Variants in ZNF521 observed in about 807,000 individuals in gnomAD.
ZNF521 encodes LYST-interacting protein 3.
A neutral mutation model predicts 105.5 loss-of-function variants in ZNF521; 14 were observed. That is an observed-to-expected ratio of 0.13 (90% CI 0.09 to 0.21). The LOEUF (loss-of-function observed/expected upper bound fraction) is 0.21. Among genes scored for constraint, ZNF521 ranks in the 10% least tolerant of loss-of-function variants. The probability of loss-of-function intolerance (pLI) is 1.00; values close to 1 mark genes in which losing one functional copy is unlikely to be tolerated. For missense variants in ZNF521, 1,233 were observed against 1,629.7 expected, an observed-to-expected ratio of 0.76 and a Z score of 4.19; for synonymous variants, 635 against 606.0, an observed-to-expected ratio of 1.05 and a Z score of -0.70.
chr18:25,101,090 G>A lies in ZNF521; in HGVS notation c.3659-9009C>T, dbSNP rs548694768. Among the ~76,000 whole-genome samples the A allele has an allele frequency of 1.7e-4, 26 of 152,194 alleles. 1 individual carries two copies. Among genetic ancestry groups the A allele is most frequent in the Admixed American group, 1.1e-3 (17 of 15,284 alleles). Reference sequence around the variant, plus strand: ...AATAGCTGGATGTGTGTAAATAAACGCCCCCATGTTTGCATGTGTACATCA... The same window carrying A: ...AATAGCTGGATGTGTGTAAATAAACACCCCCATGTTTGCATGTGTACATCA... On this transcript the variant is annotated intron_variant, in intron 5 of 7. Transcript: ENST00000361524.
At chr18:25,290,170 G>A (rs45607239) in intron 3 of ZNF521, among the ~76,000 whole-genome samples, 3 of 152,208 alleles carry the variant, frequency 2.0e-5, no homozygotes, top group Non-Finnish European at 4.4e-5. Context: ...ACTGCATGCA[G>A]TCTGCGGTTT....
At chr18:25,252,982 AC>A (rs1327975691) in intron 3 of ZNF521, among the ~76,000 whole-genome samples, 1 of 152,140 alleles carries the variant, frequency 6.6e-6, no homozygotes, top group Non-Finnish European at 1.5e-5. Context: ...CATAAGGCAA[AC>A]CAACTTCCTT....
At chr18:25,286,475 G>C (rs985941861) in intron 3 of ZNF521, among the ~76,000 whole-genome samples, 2 of 152,126 alleles carry the variant, frequency 1.3e-5, no homozygotes, top group Non-Finnish European at 2.9e-5. Flanking sequence ...CCACCATACA[G>C]AGGAGAGCCA....
chr18:25,193,379 G>C (rs2144629261), intron 5 of ZNF521, among the ~76,000 whole-genome samples: 1 of 152,050 alleles, frequency 6.6e-6, no homozygotes, highest in East Asian at 1.9e-4. Flanking sequence ...AATAAATCCA[G>C]AAACAAAAGT....
intron 4 of ZNF521, among the ~76,000 whole-genome samples, chr18:25,222,148 G>A (rs942034091): frequency 6.6e-6 from 1 of 152,094 alleles, no homozygotes; most frequent in Non-Finnish European, 1.5e-5. Context: ...GTACTCGACT[G>A]CATAGTCATT....
intron 4 of ZNF521, among the ~76,000 whole-genome samples, chr18:25,214,486 ATC>A (rs1387241774): frequency 6.6e-6 from 1 of 152,046 alleles, no homozygotes; most frequent in African/African-American, 2.4e-5. Flanking sequence ...AAGTTGATAT[ATC>A]TCAGTGATAG....
chr18:25,227,933 C>CTTT lies in ZNF521; in HGVS notation c.221-237_221-236insAAA, dbSNP rs1906282637. Among the ~76,000 whole-genome samples, 1 of 152,192 alleles carries CTTT rather than the reference C, an allele frequency of 6.6e-6. No homozygotes were observed. Among genetic ancestry groups the CTTT allele is most frequent in the Non-Finnish European group, 1.5e-5 (1 of 68,030 alleles). On this transcript the variant is annotated intron_variant, in intron 3 of 7. Coordinates refer to ENST00000361524, the MANE Select transcript of ZNF521 (RefSeq NM_015461.3). This position sits in a 1 kb window ranked among gnomAD's most constrained non-coding sequence, Gnocchi z 5.7. ...AAGAGGATATTAAATAGTTCTATGT[C>CTTT]TAAATTACCCTTTTATTACTTTTTA...
At chr18:25,127,190 TAACAAA>T (rs2034554265) in intron 5 of ZNF521, among the ~76,000 whole-genome samples, 1 of 151,898 alleles carries the variant, frequency 6.6e-6, no homozygotes. Flanking sequence ...TGTGGGTAGA[TAACAAA>T]AACCTTACAA....
At chr18:25,077,379 T>C (rs780918063) in intron 7 of ZNF521, among the ~76,000 whole-genome samples, 1 of 152,240 alleles carries the variant, frequency 6.6e-6, no homozygotes, top group Non-Finnish European at 1.5e-5. Context: ...GACTGTCTCC[T>C]GTATTCCTTA....
At chr18:25,075,199 G>A (rs913754514) in intron 7 of ZNF521, among the ~76,000 whole-genome samples, 5 of 152,116 alleles carry the variant, frequency 3.3e-5, no homozygotes, top group Admixed American at 3.3e-4. Flanking sequence ...TACAGAAGTG[G>A]CACTTATTCT....
chr18:25,333,616 T>A (rs1445093140), intron 2 of ZNF521, among the ~76,000 whole-genome samples: 1 of 152,088 alleles, frequency 6.6e-6, no homozygotes, highest in Admixed American at 6.6e-5. Context: ...CATGCCCAAT[T>A]GCCTCCACAG....
intron 3 of ZNF521, among the ~76,000 whole-genome samples, chr18:25,242,231 C>T (rs987548592): frequency 1.3e-5 from 2 of 152,152 alleles, no homozygotes; most frequent in African/African-American, 4.8e-5. Flanking sequence ...ACTCAATAGC[C>T]TGTGTCATCA....
intron 5 of ZNF521, among the ~76,000 whole-genome samples, chr18:25,183,518 GA>G (rs1225284116): frequency 6.6e-6 from 1 of 152,126 alleles, no homozygotes; most frequent in East Asian, 1.9e-4. Context: ...ACTTCATTTA[GA>G]AAATAAGCCA....
At chr18:25,273,219 C>CAAAAAAAAAAAA (rs1909787262) in intron 3 of ZNF521, among the ~76,000 whole-genome samples, 1 of 13,932 alleles carries the variant, frequency 7.2e-5, no homozygotes, top group Non-Finnish European at 1.2e-4. Flanking sequence ...AACCCTGTCT[C>CAAAAAAAAAAAA]CAAAAAAAAA....
At chr18:25,065,647 AAC>A (rs982949794) in intron 7 of ZNF521, among the ~76,000 whole-genome samples, 5 of 152,184 alleles carry the variant, frequency 3.3e-5, no homozygotes, top group East Asian at 3.8e-4. Flanking sequence ...AAAAAAAAAA[AAC>A]AGTTTAATTA....
chr18:25,204,649 G>A (rs2036048251), intron 4 of ZNF521, among the ~76,000 whole-genome samples: 1 of 151,990 alleles, frequency 6.6e-6, no homozygotes, highest in African/African-American at 2.4e-5. Flanking sequence ...TTCAAAATTT[G>A]TCTTTCTACA....
intron 4 of ZNF521, among the ~76,000 whole-genome samples, chr18:25,205,418 A>C (rs1169377594): frequency 6.6e-6 from 1 of 152,200 alleles, no homozygotes; most frequent in East Asian, 1.9e-4. Flanking sequence ...GGAAAAGAGA[A>C]GTCAAAATTT....
intron 5 of ZNF521, among the ~76,000 whole-genome samples, chr18:25,168,955 GT>G (rs1304760755): frequency 3.4e-3 from 108 of 31,766 alleles, no homozygotes; most frequent in African/African-American, 0.013. Context: ...TGTGTCTGGG[GT>G]GTGTGTGTGT....
intron 2 of ZNF521, among the ~76,000 whole-genome samples, chr18:25,348,363 A>C (rs903450349): frequency 6.6e-6 from 1 of 152,226 alleles, no homozygotes; most frequent in South Asian, 2.1e-4. Flanking sequence ...TAGGTATTTA[A>C]CAAGAGCCAC....
Sources: gnomAD v4.1 joint callset for allele counts (sites outside exome capture counted in the v4.1 genomes callset) on GRCh38, gnomAD v4.1.1 for gene constraint, Gnocchi (gnomAD v3.1) non-coding constraint, MANE v1.5 for transcripts, NCBI Gene and HGNC (gene_info 2026-07-23, HGNC 2026-07-21) for gene names.